Variants in NXF3 observed in about 807,000 individuals in gnomAD.
NXF3 encodes the protein TAP-like protein 3.
NXF3 carries 34 observed loss-of-function variants against 48.4 expected under a neutral mutation model. The ratio of observed to expected loss-of-function variants is 0.70; its 90% CI spans 0.53 to 0.93. NXF3 has a LOEUF of 0.93. NXF3 is among the 40% of genes least tolerant of loss of function. NXF3 has a pLI of 0.00. For synonymous variants in NXF3, 132 were observed against 145.7 expected (o/e 0.91, Z 0.68); for missense variants, 359 against 406.1 (o/e 0.88, Z 1.00).
chrX:103,079,016 G>A (rs1345139840), intron 16 of NXF3, among the ~76,000 whole-genome samples: 5 of 112,496 alleles, frequency 4.4e-5, no homozygotes, highest in Non-Finnish European at 1.9e-5. Context: ...TGTGCTTAAC[G>A]CACGCCTGAG....
chrX:103,091,205 CT>C (rs917078031), intron 1 of NXF3, among the ~76,000 whole-genome samples: 4 of 110,109 alleles, frequency 3.6e-5, no homozygotes, highest in South Asian at 3.8e-4. Context: ...TGCTACTATA[CT>C]TTTTTTTTGA....
chrX:103,087,412 C>G, intron 1 of NXF3: 1 of 1,139,151 alleles, frequency 8.8e-7, no homozygotes, highest in Non-Finnish European at 1.2e-6. Context: ...TCTGGAGAGG[C>G]ATCAGCTAAC....
intron 1 of NXF3, chrX:103,087,175 C>A: frequency 1.6e-6 from 1 of 625,598 alleles, no homozygotes; most frequent in Non-Finnish European, 2.5e-6. Context: ...TGGAGCTCAT[C>A]AGACTACATC....
intron 18 of NXF3, 21 bp from the exon 19 acceptor site, chrX:103,076,322 G>C: frequency 8.3e-7 from 1 of 1,208,430 alleles, no homozygotes; most frequent in African/African-American, 1.7e-5. Context: ...GGAAGGACAG[G>C]TAACATCCAT....
intron 18 of NXF3, among the ~76,000 whole-genome samples, chrX:103,077,401 C>A (rs1054204579): frequency 2.7e-5 from 3 of 110,340 alleles, no homozygotes; most frequent in Non-Finnish European, 5.7e-5. Context: ...CAGGCGCCCG[C>A]CACCACGCCC....
intron 1 of NXF3, chrX:103,087,680 A>C: frequency 9.5e-7 from 1 of 1,047,849 alleles, no homozygotes; most frequent in African/African-American, 1.8e-5. Flanking sequence ...TCATGCATAT[A>C]CAATCTGTGG....
chrX:103,079,019 C>A (rs1233005658), intron 16 of NXF3, among the ~76,000 whole-genome samples: 1 of 112,320 alleles, frequency 8.9e-6, no homozygotes, highest in African/African-American at 3.2e-5. Flanking sequence ...GCTTAACGCA[C>A]GCCTGAGCTG....
At chrX:103,088,072 C>T in intron 1 of NXF3, 1 of 901,558 alleles carries the variant, frequency 1.1e-6, no homozygotes, top group Admixed American at 2.4e-5. Context: ...TGTCCCTTTT[C>T]AATATCCAAA....
chrX:103,084,028 C>A (rs2073926432), intron 3 of NXF3, among the ~76,000 whole-genome samples: 1 of 111,092 alleles, frequency 9.0e-6, no homozygotes, highest in Non-Finnish European at 1.9e-5. Context: ...ACAAGGACCC[C>A]ACTAATTCAA....
chrX:103,084,895 A>G lies in NXF3; in HGVS notation c.29-12T>C. ...TTGATCAGTGTGACCTTAAATTAAG[A>G]ACAGCACATCAACACTTAGAATACC... On this transcript the variant is annotated splice_polypyrimidine_tract_variant and intron_variant, in intron 1 of 19. Coordinates refer to ENST00000395065, the MANE Select transcript of NXF3 (RefSeq NM_022052.2). 1 of 1,197,085 alleles carries G rather than the reference A, an allele frequency of 8.4e-7. No individual in the cohort carries two copies. Among genetic ancestry groups the G allele is most frequent in the East Asian group, 3.0e-5 (1 of 33,713 alleles).
At position 103,083,045 on chromosome X, in the gene NXF3, G is replaced by A. The variant is rs906349452; in HGVS notation, c.650C>T (p.Ser217Phe). 8.3e-7 allele frequency: 1 copy of A among 1,209,221 alleles called. No homozygotes were observed. The highest frequency in any genetic ancestry group is 1.1e-6 in the Non-Finnish European group (1 of 894,805). ...TCTCTGGATATCAAGAGCTTCCTGGGAGACATCACACTGTTGGTTCATGGC... is the reference window on the plus strand; with the variant it reads ...TCTCTGGATATCAAGAGCTTCCTGGAAGACATCACACTGTTGGTTCATGGC... ...KLAMNQQCDV[S>F]QEALDIQRLP... Residue 217 changes from serine (S) to phenylalanine (F), a missense_variant, in exon 7 of 20, where the codon TCC becomes TTC. Transcript: ENST00000395065.
Position 103,083,239 on chromosome X carries a change from T to G in NXF3, c.575A>C (p.His192Pro), listed in dbSNP as rs1193868727. ...TGACTTCAGCTCCCTGTGCACAAAG[T>G]GGGGTATGCCAGCAGGGTTGACAAA... Reference protein sequence around the residue: ...SIFVNPAGIPHFVHRELKSEK... With the variant: ...SIFVNPAGIPPFVHRELKSEK... The change falls in exon 6 of 20, where the codon CAC becomes CCC. Residue 192 changes from histidine to proline, a missense_variant. By Grantham distance (77) the His-to-Pro change is moderately conservative. Transcript: ENST00000395065. The G allele has an allele frequency of 8.3e-7, 1 of 1,209,054 alleles. No homozygotes were observed. Among genetic ancestry groups the G allele is most frequent in the Non-Finnish European group, 1.1e-6 (1 of 894,996 alleles).
chrX:103,076,924 A>G (rs932577875), intron 18 of NXF3, among the ~76,000 whole-genome samples: 2 of 110,496 alleles, frequency 1.8e-5, no homozygotes. Flanking sequence ...TTTCCCCTTT[A>G]AATCTGGAGT....
At chrX:103,092,961 G>A in intron 1 of NXF3, 35 bp downstream of exon 1, 1 of 1,195,533 alleles carries the variant, frequency 8.4e-7, no homozygotes, top group South Asian at 1.8e-5. Flanking sequence ...TGCCCTGTGA[G>A]ACCTGAGACT....
rs773569670 is a variant in NXF3, at chrX:103,080,018, C to T, written c.1047G>A (p.Leu349=). The T allele has an allele frequency of 9.1e-5, 110 of 1,209,174 alleles. No individual in the cohort carries two copies. Among genetic ancestry groups the T allele is most frequent in the Non-Finnish European group, 1.1e-4 (100 of 894,856 alleles). Residue 349 remains leucine (L), a synonymous_variant, in exon 12 of 20, where the codon CTG becomes CTA. Transcript: ENST00000395065. ...EMLKNLVLQF[L]QQYYLIYDSG... is the part of the protein sequence containing the mutation. ...AGATTCCCAGGGATACTTACTGCTG[C>T]AGGAATTGCAGGACCAGATTCTTCA...
chrX:103,083,135 T>TGGAA (rs1317357851), intron 6 of NXF3, 58 bp downstream of exon 6: 7 of 1,189,219 alleles, frequency 5.9e-6, no homozygotes, highest in Non-Finnish European at 6.8e-6. Context: ...GGGCAATAGG[T>TGGAA]GGGGAAGAAG....
chrX:103,079,292 A>T, intron 15 of NXF3, 29 bp from the exon 16 acceptor site: 1 of 1,210,506 alleles, frequency 8.3e-7, no homozygotes, highest in Non-Finnish European at 1.1e-6. Flanking sequence ...GGTGCTCAGG[A>T]TCCCCCTTAA....
chrX:103,082,200 G>A, intron 9 of NXF3, 55 bp downstream of exon 9: 1 of 811,573 alleles, frequency 1.2e-6, no homozygotes, highest in Non-Finnish European at 1.9e-6. Flanking sequence ...TCCTGCAGAA[G>A]GGCGCTATCA....
rs1438005945 is a variant in NXF3, at chrX:103,084,413, GCT to G, written c.278_279del (p.Glu93AlafsTer33). 2 of 1,211,190 alleles carry G rather than the reference GCT, an allele frequency of 1.7e-6. No homozygotes were observed. Among genetic ancestry groups the G allele is most frequent in the Non-Finnish European group, 2.2e-6 (2 of 895,198 alleles). The stretch of plus-strand genomic sequence containing the variant: ...TCCATTCTTCTCTCTGGAGGTTTTT[GCT>G]CTCTCTCCATGTTAACGTGGGTTTG... The part of the protein sequence containing the change: ...QDQTHVNMER[E>X]QKPPERRMEG... On this transcript the variant is annotated frameshift_variant, in exon 3 of 20. Transcript: ENST00000395065. LOFTEE classifies it high-confidence loss of function.
Sources: allele counts gnomAD v4.1 joint callset (sites outside exome capture counted in the v4.1 genomes callset), GRCh38; gene constraint gnomAD v4.1.1; transcripts MANE v1.5; gene names NCBI Gene and HGNC (gene_info 2026-07-23, HGNC 2026-07-21).